VEGFC: variants seen among roughly 807,000 people sequenced by gnomAD.
VEGFC encodes vascular endothelial growth factor C, also known as FLT4 ligand DHM.
A neutral mutation model predicts 46.1 loss-of-function variants in VEGFC; 12 were observed. That is an observed-to-expected ratio of 0.26 (90% CI 0.17 to 0.42). VEGFC has a LOEUF of 0.42. Among genes scored for constraint, VEGFC ranks in the 10% least tolerant of loss-of-function variants. The probability of loss-of-function intolerance (pLI) is 1.00; values close to 1 mark genes in which losing one functional copy is unlikely to be tolerated. For missense variants in VEGFC, 488 were observed against 529.4 expected (o/e 0.92, Z 0.77); for synonymous variants, 232 against 195.5 (o/e 1.19, Z -1.56).
Position 176,701,169 on chromosome 4 carries a change from T to A in VEGFC, c.704+10330A>T, listed in dbSNP as rs1008135653. Among the ~76,000 whole-genome samples the A allele has an allele frequency of 3.3e-5, 5 of 152,230 alleles. No individual in the cohort carries two copies. The East Asian group carries it at 5.8e-4, about 18-fold the overall frequency. Reference sequence around the variant, plus strand: ...ACAAATGTACCATGCTAATGCAAGATGTTAAAACTAGAGGAAACTCGTGAA... The same window carrying A: ...ACAAATGTACCATGCTAATGCAAGAAGTTAAAACTAGAGGAAACTCGTGAA... On this transcript the variant is annotated intron_variant, in intron 4 of 6. Coordinates refer to ENST00000618562, the MANE Select transcript of VEGFC (RefSeq NM_005429.5).
intron 4 of VEGFC, among the ~76,000 whole-genome samples, chr4:176,698,879 G>C (rs939183272): frequency 9.2e-5 from 14 of 152,176 alleles, no homozygotes; most frequent in Non-Finnish European, 7.4e-5. Context: ...TGTTGGAAAT[G>C]ACAGAATCTT....
chr4:176,780,735 G>C (rs2110944096), intron 1 of VEGFC, among the ~76,000 whole-genome samples: 1 of 152,310 alleles, frequency 6.6e-6, no homozygotes, highest in South Asian at 2.1e-4. Flanking sequence ...TTTTGCACTA[G>C]AGGAAGCCCG....
chr4:176,756,553 G>A (rs775919271), intron 1 of VEGFC, among the ~76,000 whole-genome samples: 8 of 151,930 alleles, frequency 5.3e-5, no homozygotes, highest in Non-Finnish European at 1.0e-4. Context: ...TTACATGTTA[G>A]ACAAGAAAGA....
chr4:176,749,361 T>C (rs1198812784), intron 1 of VEGFC, among the ~76,000 whole-genome samples: 1 of 151,990 alleles, frequency 6.6e-6, no homozygotes, highest in African/African-American at 2.4e-5. Flanking sequence ...CAATTTGAGA[T>C]TATTTATTCA....
intron 1 of VEGFC, among the ~76,000 whole-genome samples, chr4:176,766,312 A>G (rs142217023): frequency 6.6e-6 from 1 of 152,278 alleles, no homozygotes; most frequent in African/African-American, 2.4e-5. Flanking sequence ...GAAGCTGTGC[A>G]TGGTGGCTCA....
intron 3 of VEGFC, among the ~76,000 whole-genome samples, chr4:176,724,637 G>T (rs1433312488): frequency 6.6e-6 from 1 of 152,134 alleles, no homozygotes; most frequent in Non-Finnish European, 1.5e-5. Context: ...GGAAAGAGGA[G>T]ACAGGAAGGC....
intron 4 of VEGFC, among the ~76,000 whole-genome samples, chr4:176,693,561 T>A (rs1194881306): frequency 7.0e-6 from 1 of 143,376 alleles, no homozygotes; most frequent in African/African-American, 2.8e-5. Context: ...CTGCAGGATA[T>A]TATCCAGGAG....
rs1320988437 is a variant in VEGFC at position 176,740,447 on chromosome 4, GAGTATAT to G, written c.148-10708_148-10702del. ...TATAGTTATATATATATTCTATATA[GAGTATAT>G]AGAGTATATATAACTATATATTCTA... On this transcript the variant is annotated intron_variant, in intron 1 of 6. Coordinates refer to ENST00000618562, the MANE Select transcript of VEGFC (RefSeq NM_005429.5). Among the ~76,000 whole-genome samples the G allele has an allele frequency of 3.5e-3, 366 of 105,092 alleles. 9 individuals are homozygous for G. Among genetic ancestry groups the G allele is most frequent in the Admixed American group, 6.6e-3 (58 of 8,734 alleles). The allele number at this position is 105,092 out of a possible 152,430, so 68.9% of individuals were successfully genotyped here.
intron 3 of VEGFC, among the ~76,000 whole-genome samples, chr4:176,717,038 T>C (rs1047112025): frequency 2.0e-5 from 3 of 152,184 alleles, no homozygotes; most frequent in Non-Finnish European, 4.4e-5. Flanking sequence ...TAACTGATAA[T>C]GTATCTATTA....
At chr4:176,700,310 A>G (rs1212047709) in intron 4 of VEGFC, among the ~76,000 whole-genome samples, 1 of 152,012 alleles carries the variant, frequency 6.6e-6, no homozygotes, top group Non-Finnish European at 1.5e-5. Flanking sequence ...CCAGTTACTC[A>G]GGAGGCTGAG....
At chr4:176,738,335 T>A (rs1735090386) in intron 1 of VEGFC, among the ~76,000 whole-genome samples, 1 of 151,950 alleles carries the variant, frequency 6.6e-6, no homozygotes, top group Admixed American at 6.6e-5. Context: ...AACAGCAGGA[T>A]ACTGGTACAA....
chr4:176,696,829 G>T (rs191791324), intron 4 of VEGFC, among the ~76,000 whole-genome samples: 1 of 152,002 alleles, frequency 6.6e-6, no homozygotes. Context: ...AAATAACGCC[G>T]CATATCTACA....
intron 1 of VEGFC, among the ~76,000 whole-genome samples, chr4:176,766,367 A>G (rs955272208): frequency 2.0e-5 from 3 of 152,202 alleles, no homozygotes; most frequent in Middle Eastern, 3.4e-3. Context: ...AGGAGGATCA[A>G]TTGAACCCAG....
intron 1 of VEGFC, among the ~76,000 whole-genome samples, chr4:176,776,636 G>C (rs867834563): frequency 4.6e-5 from 7 of 152,250 alleles, no homozygotes; most frequent in African/African-American, 1.7e-4. Context: ...CAAAGAGAGA[G>C]AAGAATATGG....
At chr4:176,772,058 T>C (rs1735733306) in intron 1 of VEGFC, among the ~76,000 whole-genome samples, 1 of 152,154 alleles carries the variant, frequency 6.6e-6, no homozygotes, top group Admixed American at 6.6e-5. Flanking sequence ...GGTTTACACA[T>C]TAAGAAACGG....
At chr4:176,693,072 C>T (rs184237619) in intron 4 of VEGFC, among the ~76,000 whole-genome samples, 7 of 152,158 alleles carry the variant, frequency 4.6e-5, no homozygotes, top group Admixed American at 4.6e-4. Flanking sequence ...CAGAGTGCCT[C>T]TCCTCCTCCA....
intron 1 of VEGFC, among the ~76,000 whole-genome samples, chr4:176,732,035 G>A (rs1265902099): frequency 6.6e-6 from 1 of 151,660 alleles, no homozygotes; most frequent in Non-Finnish European, 1.5e-5. Context: ...GCTGAAAAAG[G>A]CCTTTTTAAA....
At chr4:176,775,911 G>A (rs1243413326) in intron 1 of VEGFC, among the ~76,000 whole-genome samples, 3 of 151,060 alleles carry the variant, frequency 2.0e-5, no homozygotes, top group African/African-American at 7.3e-5. Context: ...AGAAACAAAG[G>A]TATAGGCTTA....
At chr4:176,787,770 AACAATTAC>A (rs1292210228) in intron 1 of VEGFC, among the ~76,000 whole-genome samples, 4 of 152,186 alleles carry the variant, frequency 2.6e-5, no homozygotes, top group African/African-American at 9.6e-5. Context: ...GTTTCAGAAA[AACAATTAC>A]ACAAACCTAA....
Sources: gnomAD v4.1 joint callset for allele counts (sites outside exome capture counted in the v4.1 genomes callset) on GRCh38, gnomAD v4.1.1 for gene constraint, MANE v1.5 for transcripts, NCBI Gene and HGNC (gene_info 2026-07-23, HGNC 2026-07-21) for gene names.